The following UBE2F variants were observed in gnomAD, a reference collection of about 807,000 sequenced individuals.
UBE2F encodes the protein NEDD8-conjugating enzyme UBE2F.
A neutral mutation model predicts 29.6 loss-of-function variants in UBE2F; 5 were observed. The observed-to-expected ratio is 0.17, with a 90% CI of 0.09 to 0.36. UBE2F has a LOEUF of 0.36. Among genes scored for constraint, UBE2F ranks in the 10% least tolerant of loss-of-function variants. The probability of loss-of-function intolerance (pLI) is 1.00; values close to 1 mark genes in which losing one functional copy is unlikely to be tolerated. For missense variants in UBE2F, 141 were observed against 228.5 expected, an observed-to-expected ratio of 0.62 and a Z score of 2.47; for synonymous variants, 66 against 81.8, an observed-to-expected ratio of 0.81 and a Z score of 1.04.
rs999410201 is a variant in UBE2F at position 237,982,111 on chromosome 2, A to G, written c.119-5852A>G. Among the ~76,000 whole-genome samples the G allele has an allele frequency of 6.6e-6, 1 of 152,176 alleles. No individual in the cohort carries two copies. The highest frequency in any genetic ancestry group is 1.5e-5 in the Non-Finnish European group (1 of 68,038). Reference sequence around the variant, plus strand: ...AAATGGGTCTATTTGATTGTATGTAAATTGGTCCCTGACAAAGCTGTCAAA... The same window carrying G: ...AAATGGGTCTATTTGATTGTATGTAGATTGGTCCCTGACAAAGCTGTCAAA... On this transcript the variant is annotated intron_variant, in intron 2 of 9. Coordinates refer to ENST00000272930, the MANE Select transcript of UBE2F (RefSeq NM_080678.3). This position sits in a 1 kb window ranked among gnomAD's most constrained non-coding sequence, Gnocchi z 4.1.
intron 3 of UBE2F, among the ~76,000 whole-genome samples, chr2:237,994,089 CTCTTCT>C (rs796501313): frequency 1.3e-5 from 2 of 148,900 alleles, no homozygotes; most frequent in African/African-American, 5.0e-5. Flanking sequence ...CCTGGGCGCA[CTCTTCT>C]TCTTCTTCTT....
At chr2:238,008,486 T>C (rs529554390) in intron 4 of UBE2F, among the ~76,000 whole-genome samples, 4 of 152,358 alleles carry the variant, frequency 2.6e-5, no homozygotes, top group Admixed American at 1.3e-4. Context: ...TCTTATCCTA[T>C]CCTTTTAAGT....
intron 4 of UBE2F, among the ~76,000 whole-genome samples, chr2:238,011,691 G>T (rs376036617): frequency 2.0e-4 from 30 of 152,184 alleles, no homozygotes; most frequent in African/African-American, 5.8e-4. Flanking sequence ...ATTTGTGAAT[G>T]AATATTATTT....
intron 2 of UBE2F, among the ~76,000 whole-genome samples, chr2:237,975,056 GC>G (rs1430821271): frequency 4.6e-5 from 7 of 152,132 alleles, no homozygotes; most frequent in Non-Finnish European, 1.0e-4. Flanking sequence ...ACAGACGTGA[GC>G]CACTGTGCCT....
At chr2:238,030,706 C>A in intron 7 of UBE2F, 93 bp downstream of exon 7, 2 of 906,340 alleles carry the variant, frequency 2.2e-6, no homozygotes, top group African/African-American at 1.6e-5. Context: ...CATGTCCTTG[C>A]CTGTCACATC....
chr2:237,991,729 A>C (rs2063595422), intron 3 of UBE2F, among the ~76,000 whole-genome samples: 1 of 150,274 alleles, frequency 6.7e-6, no homozygotes, highest in South Asian at 2.1e-4. Flanking sequence ...CAGCCTCCTG[A>C]GTAGCTGGGA....
At chr2:238,016,737 TC>T in intron 5 of UBE2F, 104 bp downstream of exon 5, 1 of 898,576 alleles carries the variant, frequency 1.1e-6, no homozygotes, top group Non-Finnish European at 1.7e-6. Flanking sequence ...TCTGCGTGTG[TC>T]CATGTGTGAC....
intron 1 of UBE2F, among the ~76,000 whole-genome samples, chr2:237,971,096 G>A (rs2063168316): frequency 6.6e-6 from 1 of 152,208 alleles, no homozygotes; most frequent in Admixed American, 6.5e-5. Context: ...GAGAAACTGT[G>A]TAAGAGACCT....
intron 2 of UBE2F, among the ~76,000 whole-genome samples, chr2:237,974,534 G>A (rs1393850813): frequency 9.3e-6 from 1 of 107,008 alleles, no homozygotes; most frequent in Non-Finnish European, 1.8e-5. Flanking sequence ...TTTTTTTTGA[G>A]ATGGAGTCTC....
In UBE2F at chr2:238,025,298, CA is replaced by C. The variant is rs752957019; in HGVS notation, c.283-43del. 3 of 1,548,062 alleles carry C rather than the reference CA, an allele frequency of 1.9e-6. No individual in the cohort carries two copies. The African/African-American group carries it at 4.1e-5, about 21-fold the overall frequency. ...GGCTCTGGCCTGGAGATGTGATTTG[CA>C]GAGACTGTCGGCGTGATCTCTCTCA... On this transcript the variant is annotated intron_variant, in intron 5 of 9. Coordinates refer to ENST00000272930, the MANE Select transcript of UBE2F (RefSeq NM_080678.3).
At chr2:238,038,843 A>G (rs915803286) in intron 9 of UBE2F, among the ~76,000 whole-genome samples, 10 of 152,214 alleles carry the variant, frequency 6.6e-5, no homozygotes, top group Admixed American at 6.5e-4. Context: ...GTGACCACTT[A>G]TGTGCCAGGG....
At chr2:237,999,852 T>A (rs1342714129) in intron 4 of UBE2F, among the ~76,000 whole-genome samples, 1 of 142,560 alleles carries the variant, frequency 7.0e-6, no homozygotes, top group Non-Finnish European at 1.5e-5. Context: ...TGAGACGGAG[T>A]CTCACTGTGT....
At chr2:238,016,019 C>T (rs528596772) in intron 4 of UBE2F, among the ~76,000 whole-genome samples, 1 of 152,272 alleles carries the variant, frequency 6.6e-6, no homozygotes, top group East Asian at 1.9e-4. Flanking sequence ...TTCTAGAAGG[C>T]CTGCTCTGTT....
At chr2:237,976,683 A>G (rs905157144) in intron 2 of UBE2F, among the ~76,000 whole-genome samples, 1 of 152,214 alleles carries the variant, frequency 6.6e-6, no homozygotes, top group Non-Finnish European at 1.5e-5. Context: ...TTTATGCGGC[A>G]GAGCCCTGAT....
At chr2:237,996,212 C>T (rs536987469) in intron 4 of UBE2F, among the ~76,000 whole-genome samples, 1 of 152,190 alleles carries the variant, frequency 6.6e-6, no homozygotes, top group South Asian at 2.1e-4. Context: ...AGGGTATTCT[C>T]AGAAATCATT....
intron 4 of UBE2F, among the ~76,000 whole-genome samples, chr2:238,007,160 C>G (rs549474764): frequency 1.3e-5 from 2 of 152,052 alleles, no homozygotes; most frequent in African/African-American, 4.8e-5. Context: ...CTTGCTCTAT[C>G]GCCAAGGCTG....
chr2:238,024,330 TGTTTGGTTTG>T (rs945456781), intron 5 of UBE2F, among the ~76,000 whole-genome samples: 6 of 152,228 alleles, frequency 3.9e-5, no homozygotes, highest in Non-Finnish European at 8.8e-5. Flanking sequence ...CAGAGAAATC[TGTTTGGTTTG>T]GTTTGGTTTG....
At chr2:237,995,444 C>G (rs926506831) in intron 4 of UBE2F, among the ~76,000 whole-genome samples, 3 of 152,220 alleles carry the variant, frequency 2.0e-5, no homozygotes, top group Non-Finnish European at 4.4e-5. Context: ...CAGATTCCCA[C>G]ACTTCACAAC....
rs543737492 is a variant in UBE2F at position 238,041,234 on chromosome 2, C to T, written c.508-54C>T. 2.6e-6 allele frequency: 4 copies of T among 1,554,784 alleles called. No homozygotes were observed. The Admixed American group carries it at 5.0e-5, about 19-fold the overall frequency. On this transcript the variant is annotated intron_variant, in intron 9 of 9. Coordinates refer to ENST00000272930, the MANE Select transcript of UBE2F (RefSeq NM_080678.3). ...CTTGTCCCTGAAGCGCTGCTTCACT[C>T]ACTCACTCACTCCTCCTGTTCTTCT...
Sources: gnomAD v4.1 joint callset for allele counts (sites outside exome capture counted in the v4.1 genomes callset) on GRCh38, gnomAD v4.1.1 for gene constraint, Gnocchi (gnomAD v3.1) non-coding constraint, MANE v1.5 for transcripts, NCBI Gene and HGNC (gene_info 2026-07-23, HGNC 2026-07-21) for gene names.